Variants in SPAG16 observed in about 807,000 individuals in gnomAD.
The protein encoded by SPAG16 is sperm-associated antigen 16 protein.
Under a neutral mutation model 80.4 loss-of-function variants are expected in SPAG16, and 86 were observed. The ratio of observed to expected loss-of-function variants is 1.07; its 90% confidence interval spans 0.90 to 1.28. SPAG16 has a LOEUF of 1.28. Among genes scored for constraint, SPAG16 ranks in the 50% most tolerant of loss-of-function variants. The pLI is 0.00. For missense variants in SPAG16, 870 were observed against 765.3 expected (o/e 1.14, Z -1.61); for synonymous variants, 294 against 265.9 (o/e 1.11, Z -1.03).
At chr2:213,577,808 A>G (rs2009727) in intron 10 of SPAG16, among the ~76,000 whole-genome samples, 9,167 of 152,182 alleles carry the variant, frequency 0.06, 908 homozygotes, top group African/African-American at 0.21. Flanking sequence ...TCTGGAGACA[A>G]ATGCTGAGAC....
At chr2:213,665,899 C>G (rs1016379233) in intron 10 of SPAG16, among the ~76,000 whole-genome samples, 1 of 151,994 alleles carries the variant, frequency 6.6e-6, no homozygotes, top group Non-Finnish European at 1.5e-5. Context: ...AGAGAAATCA[C>G]CAGCAGAAAG....
At chr2:214,317,600 C>G (rs912854285) in intron 15 of SPAG16, among the ~76,000 whole-genome samples, 2 of 152,170 alleles carry the variant, frequency 1.3e-5, no homozygotes, top group African/African-American at 4.8e-5. Context: ...TATTAGTTCA[C>G]AAAACAATAG....
chr2:213,931,072 T>A (rs2078726860), intron 12 of SPAG16, among the ~76,000 whole-genome samples: 1 of 139,448 alleles, frequency 7.2e-6, no homozygotes, highest in Non-Finnish European at 1.6e-5. Flanking sequence ...CTTGAAGTTG[T>A]TATCTCCATG....
chr2:213,433,965 G>A (rs1022006711), intron 9 of SPAG16, among the ~76,000 whole-genome samples: 3 of 135,786 alleles, frequency 2.2e-5, no homozygotes, highest in Non-Finnish European at 4.6e-5. Context: ...TTGTCACCCC[G>A]GCTAGAGTGC....
At chr2:214,298,461 C>G (rs942183468) in intron 15 of SPAG16, among the ~76,000 whole-genome samples, 2 of 152,014 alleles carry the variant, frequency 1.3e-5, no homozygotes, top group Non-Finnish European at 1.5e-5. Flanking sequence ...TTGCTGTGCC[C>G]TTTAGACTAG....
intron 10 of SPAG16, among the ~76,000 whole-genome samples, chr2:213,681,631 A>C (rs1429599693): frequency 6.6e-6 from 1 of 152,196 alleles, no homozygotes; most frequent in Non-Finnish European, 1.5e-5. Context: ...ATGTGGAGAC[A>C]CATAACAAAA....
At chr2:213,677,333 A>G (rs1343058541) in intron 10 of SPAG16, among the ~76,000 whole-genome samples, 1 of 152,208 alleles carries the variant, frequency 6.6e-6, no homozygotes, top group Non-Finnish European at 1.5e-5. Context: ...AAATTGGATA[A>G]AGAGTCAAGA....
chr2:214,059,232 A>ATATATATATATGTATG (rs2050124781), intron 13 of SPAG16, among the ~76,000 whole-genome samples: 1 of 120,150 alleles, frequency 8.3e-6, no homozygotes. Context: ...GTATATATAT[A>ATATATATATATGTATG]TATATATATG....
intron 10 of SPAG16, among the ~76,000 whole-genome samples, chr2:213,822,161 C>T (rs1374347224): frequency 3.3e-5 from 5 of 152,146 alleles, no homozygotes; most frequent in African/African-American, 4.8e-5. Context: ...TTTACATTCC[C>T]ACCAACAGTG....
At chr2:214,357,242 C>A (rs980038364) in intron 15 of SPAG16, among the ~76,000 whole-genome samples, 2 of 151,712 alleles carry the variant, frequency 1.3e-5, no homozygotes, top group Admixed American at 6.6e-5. Context: ...AAGATTGGTG[C>A]TTTTTATCAA....
At chr2:214,321,888 T>G (rs1696122303) in intron 15 of SPAG16, among the ~76,000 whole-genome samples, 1 of 152,220 alleles carries the variant, frequency 6.6e-6, no homozygotes, top group African/African-American at 2.4e-5. Context: ...ACCTGTGTTT[T>G]GTTGAGAAAG....
At chr2:213,844,821 T>C (rs2074532195) in intron 10 of SPAG16, among the ~76,000 whole-genome samples, 1 of 152,222 alleles carries the variant, frequency 6.6e-6, no homozygotes, top group South Asian at 2.1e-4. Flanking sequence ...TTATGTAACA[T>C]TACTTTTTGA....
intron 15 of SPAG16, among the ~76,000 whole-genome samples, chr2:214,312,707 TA>T (rs757225406): frequency 3.9e-5 from 6 of 152,206 alleles, no homozygotes; most frequent in African/African-American, 4.8e-5. Flanking sequence ...GGCATTGGGT[TA>T]TTTTTTTGGC....
chr2:214,231,047 GTC>G (rs1688663361), intron 15 of SPAG16, among the ~76,000 whole-genome samples: 1 of 151,832 alleles, frequency 6.6e-6, no homozygotes, highest in Non-Finnish European at 1.5e-5. Flanking sequence ...ACCCGCTTCA[GTC>G]TATTACAATC....
intron 10 of SPAG16, among the ~76,000 whole-genome samples, chr2:213,597,699 T>G (rs2060929816): frequency 1.3e-5 from 2 of 151,946 alleles, no homozygotes; most frequent in South Asian, 4.2e-4. Flanking sequence ...CTATTTCATT[T>G]AAGAAAAAAA....
At chr2:213,999,918 C>A (rs1044908278) in intron 12 of SPAG16, among the ~76,000 whole-genome samples, 10 of 152,150 alleles carry the variant, frequency 6.6e-5, no homozygotes, top group African/African-American at 2.2e-4. Context: ...TGTATTTACC[C>A]AATACCTGTA....
chr2:213,760,867 T>G (rs1469028754), intron 10 of SPAG16, among the ~76,000 whole-genome samples: 1 of 152,192 alleles, frequency 6.6e-6, no homozygotes. Flanking sequence ...AGGCATTAGA[T>G]GGCAAGAAAC....
At chr2:214,314,701 G>A (rs1695557617) in intron 15 of SPAG16, among the ~76,000 whole-genome samples, 1 of 152,156 alleles carries the variant, frequency 6.6e-6, no homozygotes, top group Non-Finnish European at 1.5e-5. Context: ...AGAAGTAATT[G>A]ATTAAGTTAG....
intron 11 of SPAG16, among the ~76,000 whole-genome samples, chr2:213,900,552 G>A (rs953995099): frequency 3.3e-5 from 5 of 152,000 alleles, no homozygotes; most frequent in Admixed American, 1.3e-4. Context: ...TTCTAACTCC[G>A]CTTAAAATTC....
Sources: allele counts gnomAD v4.1 joint callset (sites outside exome capture counted in the v4.1 genomes callset), GRCh38; gene constraint gnomAD v4.1.1; transcripts MANE v1.5; gene names NCBI Gene and HGNC (gene_info 2026-07-23, HGNC 2026-07-21).